Variants in CYP4F22 observed in about 807,000 individuals in gnomAD.
CYP4F22 encodes the protein ultra-long-chain fatty acid omega-hydroxylase.
A neutral mutation model predicts 60.4 loss-of-function variants in CYP4F22; 37 were observed. That is an observed-to-expected ratio of 0.61 (90% CI 0.47 to 0.81). The LOEUF (loss-of-function observed/expected upper bound fraction) is 0.81, where lower values mean the gene tolerates loss of function less well. Among genes scored for constraint, CYP4F22 ranks in the 30% least tolerant of loss-of-function variants. The pLI is 0.00. For synonymous variants in CYP4F22, 258 were observed against 280.5 expected, an observed-to-expected ratio of 0.92 and a Z score of 0.80; for missense variants, 655 against 715.0, an observed-to-expected ratio of 0.92 and a Z score of 0.96.
In CYP4F22 at chr19:15,540,486, G is replaced by C. The variant is rs374931901; in HGVS notation, c.708G>C (p.Leu236=). ...MSDYISAIIE[L]SALSVRRQYR... ...ATTATATCTCCGCTATCATTGAACT[G>C]AGCGCTCTGTCTGTCCGGCGCCAGT... Residue 236 remains leucine, a synonymous_variant, in exon 8 of 14, where the codon CTG becomes CTC. Coordinates refer to ENST00000269703, the MANE Select transcript of CYP4F22 (RefSeq NM_173483.4). 2 of 1,614,030 alleles carry C rather than the reference G, an allele frequency of 1.2e-6. No homozygotes were observed. Among genetic ancestry groups the C allele is most frequent in the Admixed American group, 3.3e-5 (2 of 59,990 alleles).
At chr19:15,536,311 C>A (rs1971393720) in intron 4 of CYP4F22, among the ~76,000 whole-genome samples, 1 of 152,166 alleles carries the variant, frequency 6.6e-6, no homozygotes, top group African/African-American at 2.4e-5. Flanking sequence ...ACACCCCAGC[C>A]TGGGTGACAG....
At chr19:15,515,786 C>CA in intron 1 of CYP4F22, among the ~76,000 whole-genome samples, 1 of 151,942 alleles carries the variant, frequency 6.6e-6, no homozygotes. Context: ...GGCAGTGGCG[C>CA]GATCTCGGCT....
intron 12 of CYP4F22, among the ~76,000 whole-genome samples, chr19:15,549,649 G>A (rs900741137): frequency 6.6e-6 from 1 of 151,034 alleles, no homozygotes; most frequent in Non-Finnish European, 1.5e-5. Context: ...GCAACACAGC[G>A]AGACCCCCCA....
Position 15,540,599 on chromosome 19 carries a change from T to G in CYP4F22, c.821T>G (p.Phe274Cys). Reference sequence around the variant, plus strand: ...CAGGCCTGTGACATGGTGCACCACTTCACCACTGAAGTCATCCAGGAACGG... The same window carrying G: ...CAGGCCTGTGACATGGTGCACCACTGCACCACTGAAGTCATCCAGGAACGG... The part of the protein sequence containing the change: ...FRQACDMVHH[F>C]TTEVIQERRR... The change falls in exon 8 of 14, where the codon TTC becomes TGC. Residue 274 changes from phenylalanine to cysteine, a missense_variant. Around this residue, in one of 3 missense-constraint regions of CYP4F22, gnomAD observed 430 missense variants for 457.1 expected, o/e 0.94. Coordinates refer to ENST00000269703, the MANE Select transcript of CYP4F22 (RefSeq NM_173483.4). 6.2e-7 allele frequency: 1 copy of G among 1,614,222 alleles called. No homozygotes were observed. Among genetic ancestry groups the G allele is most frequent in the Non-Finnish European group, 8.5e-7 (1 of 1,180,042 alleles).
intron 2 of CYP4F22, among the ~76,000 whole-genome samples, chr19:15,524,317 T>C (rs1210436466): frequency 1.3e-5 from 2 of 152,174 alleles, no homozygotes; most frequent in African/African-American, 4.8e-5. Flanking sequence ...GGGAAGTGGC[T>C]ACTAACAGGG....
chr19:15,538,545 C>G (rs2144530138), intron 7 of CYP4F22, among the ~76,000 whole-genome samples: 1 of 152,282 alleles, frequency 6.6e-6, no homozygotes, highest in East Asian at 1.9e-4. Context: ...GTGCCTGGCA[C>G]CATGATATTG....
At chr19:15,550,159 G>A (rs978850520) in intron 12 of CYP4F22, among the ~76,000 whole-genome samples, 6 of 152,074 alleles carry the variant, frequency 3.9e-5, no homozygotes, top group African/African-American at 1.4e-4. Context: ...TTGAACTCCT[G>A]AGCTCAGATG....
intron 7 of CYP4F22, among the ~76,000 whole-genome samples, chr19:15,539,655 A>G (rs1971436370): frequency 6.6e-6 from 1 of 152,150 alleles, no homozygotes; most frequent in Non-Finnish European, 1.5e-5. Context: ...TGGTTGTACC[A>G]TTTTGCTCTC....
intron 1 of CYP4F22, among the ~76,000 whole-genome samples, chr19:15,510,966 A>ATATATTTTTTT (rs34055543): frequency 5.6e-4 from 58 of 103,300 alleles, no homozygotes; most frequent in African/African-American, 2.5e-3. Context: ...ATATATATAT[A>ATATATTTTTTT]TTTTTTTTTT....
chr19:15,534,834 G>A (rs1404083807), intron 4 of CYP4F22, among the ~76,000 whole-genome samples: 1 of 152,146 alleles, frequency 6.6e-6, no homozygotes, highest in Non-Finnish European at 1.5e-5. Context: ...GTCCCAGATG[G>A]AAGGTCCTGC....
intron 10 of CYP4F22, 26 bp from the exon 11 acceptor site, chr19:15,548,082 T>C (rs1971553148): frequency 6.2e-7 from 1 of 1,611,796 alleles, no homozygotes; most frequent in Non-Finnish European, 8.5e-7. Context: ...TGGCTCGGCC[T>C]CTAGTTATAT....
chr19:15,544,065 G>A (rs367701830), intron 9 of CYP4F22, 28 bp downstream of exon 9: 1 of 1,614,072 alleles, frequency 6.2e-7, no homozygotes, highest in Non-Finnish European at 8.5e-7. Flanking sequence ...GGCTGGAGGA[G>A]GGCAGGAAGG....
intron 8 of CYP4F22, among the ~76,000 whole-genome samples, chr19:15,542,424 C>T (rs2144536118): frequency 6.6e-6 from 1 of 152,200 alleles, no homozygotes; most frequent in Non-Finnish European, 1.5e-5. Context: ...GTAATCCCAG[C>T]TCCTCTGGAG....
intron 1 of CYP4F22, among the ~76,000 whole-genome samples, chr19:15,509,900 C>CTTTCTTTCTTTCTTTCTTTCTTT (rs1555725970): frequency 3.3e-4 from 29 of 87,880 alleles, no homozygotes; most frequent in Non-Finnish European, 5.5e-4. Context: ...TTCCTTCCTT[C>CTTTCTTTCTTTCTTTCTTTCTTT]CTTCCTTTCT....
chr19:15,532,891 G>A (rs973388604), intron 4 of CYP4F22, among the ~76,000 whole-genome samples: 1 of 152,204 alleles, frequency 6.6e-6, no homozygotes, highest in Non-Finnish European at 1.5e-5. Context: ...AGCCAGATAG[G>A]GAACTCCAGG....
Position 15,529,715 on chromosome 19 carries a change from C to T in CYP4F22, c.229C>T (p.Pro77Ser), listed in dbSNP as rs755919126. 18 of 1,613,940 alleles carry T rather than the reference C, an allele frequency of 1.1e-5. No individual in the cohort carries two copies. Among genetic ancestry groups the T allele is most frequent in the East Asian group, 2.2e-5 (1 of 44,874 alleles). Reference protein sequence around the residue: ...WLLGHLGMYLPNEAGLQDEKK... With the variant: ...WLLGHLGMYLSNEAGLQDEKK... ...CCTCCCTTACCTCTTGCAGTACCTT[C>T]CAAATGAGGCGGGCCTTCAAGATGA... The change falls in exon 4 of 14, where the codon CCA (proline) becomes TCA (serine). Residue 77 changes from proline (P) to serine (S), a missense_variant. Physicochemically the swap from Pro to Ser is moderately conservative, Grantham distance 74 (BLOSUM62 -1). Coordinates refer to ENST00000269703, the MANE Select transcript of CYP4F22 (RefSeq NM_173483.4).
At chr19:15,520,067 C>G (rs1238461436) in intron 1 of CYP4F22, among the ~76,000 whole-genome samples, 4 of 152,128 alleles carry the variant, frequency 2.6e-5, no homozygotes, top group Admixed American at 6.5e-5. Flanking sequence ...AGTCTCAGCC[C>G]GGCGTGGTGG....
In CYP4F22 at chr19:15,511,300, TA is replaced by T. The variant is rs934887224; in HGVS notation, c.-109+2726del. 1.1e-4 allele frequency among the ~76,000 whole-genome samples: 16 copies of T among 149,820 alleles called. No individual in the cohort carries two copies. The East Asian group carries it at 2.4e-3, about 22-fold the overall frequency. On this transcript the variant is annotated intron_variant, in intron 1 of 13. Transcript: ENST00000269703. ...TATTAATTTTTTTTAACAAAAAAAT[TA>T]AAAAAAAATTAGCTGAGCATGGTGG...
intron 1 of CYP4F22, among the ~76,000 whole-genome samples, chr19:15,518,004 CAG>C (rs1336693632): frequency 6.6e-6 from 1 of 152,062 alleles, no homozygotes; most frequent in Non-Finnish European, 1.5e-5. Flanking sequence ...GAGGCATCAA[CAG>C]GGGTAAGCCA....
Sources: allele counts gnomAD v4.1 joint callset (sites outside exome capture counted in the v4.1 genomes callset), GRCh38; gene constraint gnomAD v4.1.1; regional missense constraint gnomAD v4.1.1; transcripts MANE v1.5; gene names NCBI Gene and HGNC (gene_info 2026-07-23, HGNC 2026-07-21).